Variants in TMPRSS2 observed in about 807,000 individuals in gnomAD.
TMPRSS2 encodes transmembrane serine protease 2, also known as transmembrane protease serine 2.
TMPRSS2 carries 59 observed loss-of-function variants against 67.4 expected under a neutral mutation model. That is an observed-to-expected ratio of 0.88 (90% CI 0.71 to 1.09). The LOEUF is 1.09. TMPRSS2 is among the 50% of genes least tolerant of loss of function. The pLI is 0.00. For missense variants in TMPRSS2, 668 were observed against 642.7 expected, an observed-to-expected ratio of 1.04 and a Z score of -0.43; for synonymous variants, 257 against 257.0, an observed-to-expected ratio of 1.00 and a Z score of 0.00.
In TMPRSS2 at chr21:41,488,423, C is replaced by T. The variant is rs2146467036; in HGVS notation, c.416G>A (p.Cys139Tyr). Residue 139 changes from cysteine to tyrosine, a missense_variant, in exon 5 of 14, where the codon TGC (cysteine) becomes TAC (tyrosine). Coordinates refer to ENST00000332149, the MANE Select transcript of TMPRSS2 (RefSeq NM_005656.4). ...CCGATTCTCGTCCTCCCCGCCGGGG[C>T]AGTGTGACACGCCATCACACCAGTT... is the stretch of plus-strand genomic sequence containing the variant. ...PSNWCDGVSH[C>Y]PGGEDENRCV... 6.2e-7 allele frequency: 1 copy of T among 1,613,532 alleles called. No homozygotes were observed. Among genetic ancestry groups the T allele is most frequent in the Non-Finnish European group, 8.5e-7 (1 of 1,179,680 alleles).
In TMPRSS2 at chr21:41,468,412, T is replaced by C. The variant is rs1413509373; in HGVS notation, c.1298A>G (p.Asn433Ser). The change falls in exon 12 of 14, where the codon AAC becomes AGC. Residue 433 changes from asparagine (N) to serine (S), a missense_variant. By Grantham distance (46) the Asn-to-Ser change is conservative. Coordinates refer to ENST00000332149, the MANE Select transcript of TMPRSS2 (RefSeq NM_005656.4). ...AMICAGFLQG[N>S]VDSCQGDSGG... ...TTGAATTACCTGGCAAGAATCGACG[T>C]TCCCCTGCAGGAAGCCGGCACAGAT... The C allele has an allele frequency of 6.2e-7, 1 of 1,614,080 alleles. No individual in the cohort carries two copies. Among genetic ancestry groups the C allele is most frequent in the East Asian group, 2.2e-5 (1 of 44,884 alleles).
intron 4 of TMPRSS2, 86 bp downstream of exon 4, chr21:41,489,421 G>A: frequency 9.0e-7 from 1 of 1,114,464 alleles, no homozygotes; most frequent in Non-Finnish European, 1.3e-6. Flanking sequence ...GCCTCCAGAG[G>A]TCTCAATAGC....
At chr21:41,472,441 G>C (rs2091142109) in intron 9 of TMPRSS2, among the ~76,000 whole-genome samples, 1 of 152,142 alleles carries the variant, frequency 6.6e-6, no homozygotes, top group Non-Finnish European at 1.5e-5. Context: ...CTCCTAGTGG[G>C]CCCAGAGCAC....
At chr21:41,471,774 C>A in intron 10 of TMPRSS2, 32 bp downstream of exon 10, 1 of 1,557,720 alleles carries the variant, frequency 6.4e-7, no homozygotes, top group South Asian at 1.2e-5. Flanking sequence ...AAGATTCTGC[C>A]AACCTGCTTG....
At chr21:41,505,129 T>G (rs1029779017) in intron 1 of TMPRSS2, among the ~76,000 whole-genome samples, 1 of 152,116 alleles carries the variant, frequency 6.6e-6, no homozygotes, top group Non-Finnish European at 1.5e-5. Flanking sequence ...CAACCAAAAC[T>G]GAACAAGCAC....
At chr21:41,499,285 C>T (rs1478948716) in intron 1 of TMPRSS2, among the ~76,000 whole-genome samples, 2 of 152,120 alleles carry the variant, frequency 1.3e-5, no homozygotes, top group Non-Finnish European at 2.9e-5. Context: ...CTAGAGATGC[C>T]GTCAACACGA....
chr21:41,495,476 T>A (rs992453532), intron 2 of TMPRSS2, among the ~76,000 whole-genome samples: 9 of 151,674 alleles, frequency 5.9e-5, no homozygotes, highest in African/African-American at 2.2e-4. Context: ...ATACAAAAAA[T>A]TAGCCGGATA....
At chr21:41,489,456 G>T in intron 4 of TMPRSS2, 51 bp downstream of exon 4, 1 of 1,519,132 alleles carries the variant, frequency 6.6e-7, no homozygotes, top group African/African-American at 1.4e-5. Flanking sequence ...CTGGCTCAGA[G>T]CACTGGGGAC....
intron 11 of TMPRSS2, among the ~76,000 whole-genome samples, chr21:41,469,846 G>A (rs1282430664): frequency 3.9e-5 from 6 of 152,158 alleles, no homozygotes; most frequent in Non-Finnish European, 8.8e-5. Context: ...CACCCAGCCT[G>A]TACTAGGTGC....
rs564691729 is a variant in TMPRSS2 at position 41,466,099 on chromosome 21, T to C, written c.*43A>G. ...GCACGGGGAAGCAAAACCAGCCCCA[T>C]TGTTTTCTTGTAAAACGACGTCAAG... On this transcript the variant is annotated 3_prime_UTR_variant, in exon 14 of 14. Coordinates refer to ENST00000332149, the MANE Select transcript of TMPRSS2 (RefSeq NM_005656.4). 60 of 1,613,034 alleles carry C rather than the reference T, an allele frequency of 3.7e-5. No individual in the cohort carries two copies. Among genetic ancestry groups the C allele is most frequent in the Admixed American group, 3.7e-4 (22 of 59,924 alleles).
intron 8 of TMPRSS2, 68 bp from the exon 9 acceptor site, chr21:41,473,564 C>A (rs2146432121): frequency 6.6e-7 from 1 of 1,505,224 alleles, no homozygotes; most frequent in Non-Finnish European, 9.0e-7. Flanking sequence ...CCAGCGCCCG[C>A]CCCTCCCAAG....
At chr21:41,494,166 T>C (rs1280553578) in intron 3 of TMPRSS2, among the ~76,000 whole-genome samples, 190 bp downstream of exon 3, 1 of 152,204 alleles carries the variant, frequency 6.6e-6, no homozygotes, top group Non-Finnish European at 1.5e-5. Flanking sequence ...AGGCTAGGCC[T>C]GGCAGCGACA....
chr21:41,490,207 T>TA (rs760337568), intron 3 of TMPRSS2, among the ~76,000 whole-genome samples: 3,982 of 135,690 alleles, frequency 0.029, 132 homozygotes, highest in African/African-American at 0.079. Context: ...ATGATTAATG[T>TA]AAAAAAAAAA....
chr21:41,491,336 G>A (rs2091334545), intron 3 of TMPRSS2, among the ~76,000 whole-genome samples: 1 of 151,972 alleles, frequency 6.6e-6, no homozygotes, highest in Non-Finnish European at 1.5e-5. Context: ...TTTGGTAGAT[G>A]AGGTTTCACC....
chr21:41,477,744 G>A (rs1260036855), intron 7 of TMPRSS2, among the ~76,000 whole-genome samples: 1 of 152,008 alleles, frequency 6.6e-6, no homozygotes, highest in Non-Finnish European at 1.5e-5. Context: ...GAATCCTAAG[G>A]TCGGTAGGGA....
chr21:41,501,108 C>T (rs1259456474), intron 1 of TMPRSS2, among the ~76,000 whole-genome samples: 1 of 152,178 alleles, frequency 6.6e-6, no homozygotes, highest in Non-Finnish European at 1.5e-5. Flanking sequence ...TATTCATTCA[C>T]GATCCCTAAC....
intron 7 of TMPRSS2, among the ~76,000 whole-genome samples, chr21:41,477,430 A>G (rs1329807802): frequency 1.3e-5 from 2 of 152,182 alleles, no homozygotes; most frequent in East Asian, 3.9e-4. Context: ...TTTACCAATC[A>G]CAGCTTTAGC....
At chr21:41,496,479 T>C (rs559790300) in intron 2 of TMPRSS2, among the ~76,000 whole-genome samples, 2 of 152,238 alleles carry the variant, frequency 1.3e-5, no homozygotes, top group Non-Finnish European at 2.9e-5. Context: ...TCCCTTTAAA[T>C]GAAATTTCTG....
At chr21:41,492,329 G>A (rs199656416) in intron 3 of TMPRSS2, among the ~76,000 whole-genome samples, 2 of 152,176 alleles carry the variant, frequency 1.3e-5, no homozygotes, top group Admixed American at 6.5e-5. Flanking sequence ...TGTTTCACAC[G>A]CACATTTGGA....
Sources: allele counts gnomAD v4.1 joint callset (sites outside exome capture counted in the v4.1 genomes callset), GRCh38; gene constraint gnomAD v4.1.1; transcripts MANE v1.5; gene names NCBI Gene and HGNC (gene_info 2026-07-23, HGNC 2026-07-21).